Variants in AP3B2 observed in about 807,000 individuals in gnomAD.
AP3B2 encodes the protein AP-3 complex subunit beta-2.
In AP3B2, 50 loss-of-function variants were observed where a neutral mutation model predicts 126.9. That is an observed-to-expected ratio of 0.39 (90% CI 0.31 to 0.50). The LOEUF (loss-of-function observed/expected upper bound fraction) is 0.50. AP3B2 is among the 20% of genes least tolerant of loss of function. The pLI is 0.79. For synonymous variants in AP3B2, 541 were observed against 565.0 expected (o/e 0.96, Z 0.60); for missense variants, 1,177 against 1,426.4 (o/e 0.83, Z 2.82).
At chr15:82,678,783 T>TG (rs920459225) in intron 10 of AP3B2, among the ~76,000 whole-genome samples, 2 of 152,244 alleles carry the variant, frequency 1.3e-5, no homozygotes, top group African/African-American at 4.8e-5. Context: ...ATTTGCCTTG[T>TG]GATTAACTGC....
Position 82,665,282 on chromosome 15 carries a change from C to T in AP3B2, c.1993G>A (p.Glu665Lys). 6.5e-7 allele frequency: 1 copy of T among 1,549,096 alleles called. No individual in the cohort carries two copies. The highest frequency in any genetic ancestry group is 8.7e-7 in the Non-Finnish European group (1 of 1,154,310). ...TCGCCCAACAGGCCCACGTGAGTCT[C>T]AATAAGGGAGAGATCTTCTTCCTGT... ...NVEEEDLSLI[E>K]THVGLLGEYT... Residue 665 changes from glutamate (E) to lysine (K), a missense_variant, in exon 17 of 27, where the codon GAG (glutamate) becomes AAG (lysine). By Grantham distance (56) the Glu-to-Lys change is moderately conservative. Transcript: ENST00000535359. The surrounding 1 kb of genome is among the most constrained non-coding windows in gnomAD (Gnocchi z 4.4).
In AP3B2 at chr15:82,665,628, G is replaced by A; in HGVS notation, c.1853-53C>T. On this transcript the variant is annotated intron_variant, in intron 15 of 26. Coordinates refer to ENST00000535359, the MANE Select transcript of AP3B2 (RefSeq NM_001278512.2). This position sits in a 1 kb window ranked among gnomAD's most constrained non-coding sequence, Gnocchi z 4.4. ...GTAGCAGCAGTGAGGGAAAGCTCTGGGAGCTGTTTTCCAGGTGGGGCTGGG... is the reference window on the plus strand; with the variant it reads ...GTAGCAGCAGTGAGGGAAAGCTCTGAGAGCTGTTTTCCAGGTGGGGCTGGG... The A allele has an allele frequency of 6.8e-7, 1 of 1,460,190 alleles. No individual in the cohort carries two copies. The highest frequency in any genetic ancestry group is 9.5e-7 in the Non-Finnish European group (1 of 1,047,322). 90.5% of individuals were successfully genotyped at this position (1,460,190 alleles called of 1,614,324 possible).
Position 82,680,999 on chromosome 15 carries a change from C to T in AP3B2, c.609G>A (p.Val203=), listed in dbSNP as rs754927794. The T allele has an allele frequency of 6.2e-7, 1 of 1,613,768 alleles. No individual in the cohort carries two copies. Among genetic ancestry groups the T allele is most frequent in the Non-Finnish European group, 8.5e-7 (1 of 1,179,898 alleles). The stretch of plus-strand genomic sequence containing the variant: ...CCGGGCAGACCTCCTCAAAGGCCAT[C>T]ACCACACTGCCCGCCACCAGCTGGG... ...DKTTLVAGSV[V]MAFEEVCPER... Residue 203 remains valine (V), a synonymous_variant, in exon 7 of 27, where the codon GTG becomes GTA. Transcript: ENST00000535359. This position sits in a 1 kb window ranked among gnomAD's most constrained non-coding sequence, Gnocchi z 6.1.
rs566066194 is a variant in AP3B2 at position 82,671,959 on chromosome 15, G to A, written c.1665+4502C>T. 1.7e-4 allele frequency among the ~76,000 whole-genome samples: 26 copies of A among 151,524 alleles called. No individual in the cohort carries two copies. In the East Asian group the frequency reaches 2.0e-3, roughly 11 times the overall value. On this transcript the variant is annotated intron_variant, in intron 14 of 26. Coordinates refer to ENST00000535359, the MANE Select transcript of AP3B2 (RefSeq NM_001278512.2). The stretch of plus-strand genomic sequence containing the variant: ...CTCAGGAGGCTGAGGCAGGAGAATC[G>A]TTTGAACCTGGGAGGCGGAGGTTGC...
chr15:82,705,310 C>G (rs1200825797), intron 1 of AP3B2, among the ~76,000 whole-genome samples: 7 of 152,074 alleles, frequency 4.6e-5, no homozygotes, highest in Admixed American at 4.6e-4. Flanking sequence ...CCTTTTAAAG[C>G]CTATAAACTC....
chr15:82,667,178 T>G (rs535003179), intron 14 of AP3B2, among the ~76,000 whole-genome samples: 2 of 152,118 alleles, frequency 1.3e-5, no homozygotes, highest in Non-Finnish European at 2.9e-5. Flanking sequence ...CAAAAGAGGT[T>G]TTCCTTTTGG....
At chr15:82,679,086 A>C (rs1755443795) in intron 10 of AP3B2, among the ~76,000 whole-genome samples, 1 of 152,130 alleles carries the variant, frequency 6.6e-6, no homozygotes, top group African/African-American at 2.4e-5. Flanking sequence ...AGTCAGCAGA[A>C]TTATGTGACC....
Position 82,680,458 on chromosome 15 carries a change from G to C in AP3B2, c.1055+14C>G, listed in dbSNP as rs991813797. 3 of 1,474,440 alleles carry C rather than the reference G, an allele frequency of 2.0e-6. No homozygotes were observed. In the African/African-American group the frequency reaches 4.2e-5, roughly 21 times the overall value. The allele number at this position is 1,474,440 out of a possible 1,614,324, so 91.3% of individuals were successfully genotyped here. ...GGAGGCGAGGGAGGGGGCGGGGCTGGGGGCGGAGCGCACCTGTGGCTGCGC... is the reference window on the plus strand; with the variant it reads ...GGAGGCGAGGGAGGGGGCGGGGCTGCGGGCGGAGCGCACCTGTGGCTGCGC... On this transcript the variant is annotated intron_variant, in intron 8 of 26. Coordinates refer to ENST00000535359, the MANE Select transcript of AP3B2 (RefSeq NM_001278512.2). The surrounding 1 kb of genome is among the most constrained non-coding windows in gnomAD (Gnocchi z 6.1).
Position 82,676,907 on chromosome 15 carries a change from C to A in AP3B2, c.1489-270G>T, listed in dbSNP as rs113048931. Among the ~76,000 whole-genome samples the A allele has an allele frequency of 1.1e-3, 163 of 152,322 alleles. 1 individual carries two copies. Among genetic ancestry groups the A allele is most frequent in the African/African-American group, 3.5e-3 (147 of 41,576 alleles). On this transcript the variant is annotated intron_variant, in intron 13 of 26. Coordinates refer to ENST00000535359, the MANE Select transcript of AP3B2 (RefSeq NM_001278512.2). ...ATGTAAAAGATTGATTTTCTGGATTCATTGTACCCTCAGTACTTTATTTCC... is the reference window on the plus strand; with the variant it reads ...ATGTAAAAGATTGATTTTCTGGATTAATTGTACCCTCAGTACTTTATTTCC...
At chr15:82,693,857 T>C (rs913485512) in intron 1 of AP3B2, among the ~76,000 whole-genome samples, 1 of 151,616 alleles carries the variant, frequency 6.6e-6, no homozygotes, top group Non-Finnish European at 1.5e-5. Flanking sequence ...TGCGCCACCA[T>C]GCCCAGCTAA....
chr15:82,667,123 A>C (rs6603033), intron 14 of AP3B2, among the ~76,000 whole-genome samples, 190 bp from the exon 15 acceptor site: 87,672 of 151,930 alleles, frequency 0.58, 25,418 homozygotes, highest in Non-Finnish European at 0.62. Context: ...ATCTCTCTGG[A>C]CATGCCTCCT....
chr15:82,705,516 T>G (rs1596200743), intron 1 of AP3B2, among the ~76,000 whole-genome samples: 1 of 152,164 alleles, frequency 6.6e-6, no homozygotes, highest in East Asian at 1.9e-4. Flanking sequence ...ACATGCTTTC[T>G]TTACTATTCA....
chr15:82,699,569 T>C (rs2048685909), intron 1 of AP3B2: 2 of 399,068 alleles, frequency 5.0e-6, no homozygotes, highest in Non-Finnish European at 4.4e-6. Context: ...GGGCTGAGAG[T>C]GCAACTGCCC....
intron 23 of AP3B2, 27 bp downstream of exon 23, chr15:82,662,667 C>A (rs545176317): frequency 6.3e-7 from 1 of 1,585,458 alleles, no homozygotes; most frequent in East Asian, 2.3e-5. Flanking sequence ...GAGCCTCCTC[C>A]TCCACCCCAT....
chr15:82,679,657 CTG>C (rs747192503), intron 10 of AP3B2, 70 bp downstream of exon 10: 29 of 1,377,936 alleles, frequency 2.1e-5, no homozygotes, highest in Admixed American at 8.7e-5. Context: ...AGGGGGGCCA[CTG>C]TGAGTTATTT....
intron 1 of AP3B2, among the ~76,000 whole-genome samples, chr15:82,695,139 C>T (rs576890965): frequency 6.7e-6 from 1 of 149,554 alleles, no homozygotes; most frequent in African/African-American, 2.5e-5. Flanking sequence ...CTCTGTCGCC[C>T]AGGCTGGAGT....
In AP3B2 at chr15:82,677,737, T is replaced by C. The variant is rs1438032095; in HGVS notation, c.1312A>G (p.Thr438Ala). ...GTGTCACGGACTCGGCCGATGTTAG[T>C]TGCACAGCGTCCAATGGCCTGGATT... is the stretch of plus-strand genomic sequence containing the variant. The part of the protein sequence containing the change: ...ATIQAIGRCA[T>A]NIGRVRDTCL... Residue 438 changes from threonine to alanine, a missense_variant, in exon 12 of 27, where the codon ACT (threonine) becomes GCT (alanine). By Grantham distance (58) the Thr-to-Ala change is moderately conservative (BLOSUM62 0). Coordinates refer to ENST00000535359, the MANE Select transcript of AP3B2 (RefSeq NM_001278512.2). The C allele has an allele frequency of 9.3e-6, 15 of 1,611,864 alleles. No individual in the cohort carries two copies. Among genetic ancestry groups the C allele is most frequent in the Non-Finnish European group, 1.3e-5 (15 of 1,178,998 alleles).
intron 1 of AP3B2, chr15:82,689,783 A>C: frequency 3.7e-6 from 1 of 269,898 alleles, no homozygotes; most frequent in South Asian, 5.2e-5. Flanking sequence ...TGGGTCTCTA[A>C]TCCCATGTCT....
intron 1 of AP3B2, 84 bp downstream of exon 1, chr15:82,709,510 G>C: frequency 1.0e-6 from 1 of 991,952 alleles, no homozygotes; most frequent in Non-Finnish European, 1.3e-6. Context: ...CGGCGCTGGG[G>C]CCGGGCGCTG....
Sources: allele counts gnomAD v4.1 joint callset (sites outside exome capture counted in the v4.1 genomes callset), GRCh38; gene constraint gnomAD v4.1.1; non-coding constraint Gnocchi (gnomAD v3.1); transcripts MANE v1.5; gene names NCBI Gene and HGNC (gene_info 2026-07-23, HGNC 2026-07-21).